CSTF3: variants seen among roughly 807,000 people sequenced by gnomAD.
CSTF3 encodes cleavage stimulation factor subunit 3.
CSTF3 carries 29 observed loss-of-function variants against 105.8 expected under a neutral mutation model. That is an observed-to-expected ratio of 0.27 (90% CI 0.20 to 0.37). The LOEUF (loss-of-function observed/expected upper bound fraction) is 0.37, where lower values mean the gene tolerates loss of function less well. Ranked by LOEUF, CSTF3 falls within the 10% of genes least tolerant of loss-of-function variation. CSTF3 has a pLI of 1.00. For synonymous variants in CSTF3, 252 were observed against 281.9 expected (o/e 0.89, Z 1.06); for missense variants, 357 against 879.3 (o/e 0.41, Z 7.51).
In CSTF3 at chr11:33,099,571, A is replaced by G; in HGVS notation, c.936+37T>C. ...TAAATAATTGCTATATCAAAACCAC[A>G]AAAATATCAAAGTGGGGATAGGGAA... On this transcript the variant is annotated intron_variant, in intron 11 of 20. Transcript: ENST00000323959. The surrounding 1 kb of genome is among the most constrained non-coding windows in gnomAD (Gnocchi z 4.1). 1 of 1,380,644 alleles carries G rather than the reference A, an allele frequency of 7.2e-7. No homozygotes were observed. Among genetic ancestry groups the G allele is most frequent in the Non-Finnish European group, 1.0e-6 (1 of 988,308 alleles). The allele number at this position is 1,380,644 out of a possible 1,614,324, so 85.5% of individuals were successfully genotyped here. A position where few individuals can be genotyped will look rare whatever the true frequency, so the allele number is the denominator to read the frequency against.
chr11:33,161,413 A>C lies in CSTF3; in HGVS notation c.-88T>G. Reference sequence around the variant, plus strand: ...ACTAAAAACCACCCCCAAATCAGTAAAGTTACCCCCTGCCCAGCTGAGCCA... The same window carrying C: ...ACTAAAAACCACCCCCAAATCAGTACAGTTACCCCCTGCCCAGCTGAGCCA... On this transcript the variant is annotated 5_prime_UTR_variant, in exon 1 of 21. Transcript: ENST00000323959. The C allele has an allele frequency of 6.9e-7, 1 of 1,445,862 alleles. No individual in the cohort carries two copies. The highest frequency in any genetic ancestry group is 9.6e-7 in the Non-Finnish European group (1 of 1,040,058). 89.6% of individuals were successfully genotyped at this position (1,445,862 alleles called of 1,614,324 possible).
chr11:33,160,063 T>C (rs1239981338), intron 1 of CSTF3, among the ~76,000 whole-genome samples: 1 of 151,924 alleles, frequency 6.6e-6, no homozygotes, highest in Non-Finnish European at 1.5e-5. Flanking sequence ...AAACTTTCAA[T>C]GAAACCTCAG....
chr11:33,088,020 C>T (rs1340977108), intron 17 of CSTF3, among the ~76,000 whole-genome samples: 1 of 152,102 alleles, frequency 6.6e-6, no homozygotes, highest in Non-Finnish European at 1.5e-5. Flanking sequence ...TTGCCGCCAT[C>T]AAGGGATATA....
In CSTF3 at chr11:33,084,977, A is replaced by G. The variant is rs1855088018; in HGVS notation, c.*110T>C. The G allele has an allele frequency of 8.4e-7, 1 of 1,197,424 alleles. No individual in the cohort carries two copies. The highest frequency in any genetic ancestry group is 1.5e-5 in the African/African-American group (1 of 67,170). The allele number at this position is 1,197,424 out of a possible 1,614,324, so 74.2% of individuals were successfully genotyped here. On this transcript the variant is annotated 3_prime_UTR_variant, in exon 21 of 21. Coordinates refer to ENST00000323959, the MANE Select transcript of CSTF3 (RefSeq NM_001326.3). ...CCATGTGATAGAGGCACCAATGACAATACAACTTTGTTTCCAAGAACCTTG... is the reference window on the plus strand; with the variant it reads ...CCATGTGATAGAGGCACCAATGACAGTACAACTTTGTTTCCAAGAACCTTG...
At chr11:33,091,046 G>A (rs1396278078) in intron 16 of CSTF3, among the ~76,000 whole-genome samples, 1 of 151,994 alleles carries the variant, frequency 6.6e-6, no homozygotes, top group Non-Finnish European at 1.5e-5. Flanking sequence ...CTGCTTCTTT[G>A]TGGTCAACAT....
chr11:33,116,608 G>A (rs1401726943), intron 3 of CSTF3, among the ~76,000 whole-genome samples: 1 of 152,132 alleles, frequency 6.6e-6, no homozygotes, highest in Non-Finnish European at 1.5e-5. Flanking sequence ...TATGGTGAAG[G>A]TCCATTACAG....
intron 15 of CSTF3, among the ~76,000 whole-genome samples, chr11:33,095,153 G>T (rs1855206959): frequency 6.6e-6 from 1 of 152,198 alleles, no homozygotes; most frequent in Non-Finnish European, 1.5e-5. Flanking sequence ...GCCTGCCTCG[G>T]CTTCCCAAAG....
chr11:33,142,870 T>C (rs1057169293), intron 1 of CSTF3, among the ~76,000 whole-genome samples: 2 of 152,232 alleles, frequency 1.3e-5, no homozygotes, highest in African/African-American at 4.8e-5. Flanking sequence ...TCTGCTGCCC[T>C]ATCAGATCAT....
chr11:33,116,846 GGT>G (rs1377372687), intron 3 of CSTF3, among the ~76,000 whole-genome samples: 6 of 151,922 alleles, frequency 3.9e-5, no homozygotes, highest in African/African-American at 1.5e-4. Context: ...CCTTAAGTGG[GGT>G]AATACTGGCT....
At chr11:33,111,210 A>G (rs2133780741) in intron 3 of CSTF3, among the ~76,000 whole-genome samples, 1 of 152,362 alleles carries the variant, frequency 6.6e-6, no homozygotes, top group Middle Eastern at 3.4e-3. Flanking sequence ...AGCCCAGGCA[A>G]GAGACTCCAT....
intron 3 of CSTF3, among the ~76,000 whole-genome samples, chr11:33,109,423 T>C (rs1036876728): frequency 2.6e-5 from 4 of 152,206 alleles, no homozygotes; most frequent in Non-Finnish European, 5.9e-5. Context: ...TGATAACTTG[T>C]TCTCTTCTGG....
chr11:33,087,076 A>G lies in CSTF3; in HGVS notation c.1707T>C (p.Pro569=). 6.2e-7 allele frequency: 1 copy of G among 1,614,186 alleles called. No homozygotes were observed. The highest frequency in any genetic ancestry group is 1.1e-5 in the South Asian group (1 of 91,086). Residue 569 remains proline (P), a synonymous_variant, in exon 18 of 21, where the codon CCT becomes CCC. Coordinates refer to ENST00000323959, the MANE Select transcript of CSTF3 (RefSeq NM_001326.3). ...PDPVVAPSIV[P]VLKDEVDRKP... ...TTCTATCCACTTCATCTTTCAGAAC[A>G]GGCACTATAGAAGGAGCTACAACTG... is the stretch of plus-strand genomic sequence containing the variant.
Position 33,154,486 on chromosome 11 carries a change from A to ACTTT in CSTF3, c.27+6809_27+6812dup, listed in dbSNP as rs142422500. ...GTAGACCGGAGTAGCACTCCGTAAG[A>ACTTT]CTTTCTTTTTTTTTTTTTTTTTTTT... On this transcript the variant is annotated intron_variant, in intron 1 of 20. Coordinates refer to ENST00000323959, the MANE Select transcript of CSTF3 (RefSeq NM_001326.3). 4.2e-4 allele frequency among the ~76,000 whole-genome samples: 46 copies of ACTTT among 110,808 alleles called. 1 individual carries two copies. The highest frequency in any genetic ancestry group is 1.2e-3 in the African/African-American group (33 of 27,886). 72.7% of individuals were successfully genotyped at this position (110,808 alleles called of 152,430 possible). A position where few individuals can be genotyped will look rare whatever the true frequency, so the allele number is the denominator to read the frequency against.
At chr11:33,152,935 G>A (rs1849806415) in intron 1 of CSTF3, among the ~76,000 whole-genome samples, 1 of 151,602 alleles carries the variant, frequency 6.6e-6, no homozygotes, top group Non-Finnish European at 1.5e-5. Context: ...TCCAGCCTGA[G>A]CAAGAGTGAG....
At chr11:33,110,772 G>A (rs551242435) in intron 3 of CSTF3, among the ~76,000 whole-genome samples, 1 of 152,092 alleles carries the variant, frequency 6.6e-6, no homozygotes, top group Admixed American at 6.5e-5. Context: ...AACTTACAAA[G>A]GTATTAACAC....
At chr11:33,160,503 T>G (rs939429165) in intron 1 of CSTF3, among the ~76,000 whole-genome samples, 1 of 152,196 alleles carries the variant, frequency 6.6e-6, no homozygotes, top group African/African-American at 2.4e-5. Context: ...AAAAACACAT[T>G]TAATGGCATT....
chr11:33,125,752 TG>T lies in CSTF3; in HGVS notation c.225+15914del, dbSNP rs769408221. ...GCCTTGGGTTTTGACTTTTGCTGCC[TG>T]AGGTCCTGAAGCGTTTAAAATTGAA... On this transcript the variant is annotated intron_variant, in intron 3 of 20. Transcript: ENST00000323959. 1.2e-4 allele frequency among the ~76,000 whole-genome samples: 19 copies of T among 152,314 alleles called. No individual in the cohort carries two copies. The East Asian group carries it at 1.9e-3, about 15-fold the overall frequency.
At chr11:33,145,381 G>A (rs1026241822) in intron 1 of CSTF3, among the ~76,000 whole-genome samples, 1 of 151,968 alleles carries the variant, frequency 6.6e-6, no homozygotes. Flanking sequence ...AGCCATGATC[G>A]CACCACTGCA....
chr11:33,091,923 C>T (rs1376241605), intron 16 of CSTF3, among the ~76,000 whole-genome samples: 2 of 152,118 alleles, frequency 1.3e-5, no homozygotes, highest in Non-Finnish European at 2.9e-5. Context: ...CTATGTTGCC[C>T]AGGCTGGTCT....
Sources: gnomAD v4.1 joint callset for allele counts (sites outside exome capture counted in the v4.1 genomes callset) on GRCh38, gnomAD v4.1.1 for gene constraint, Gnocchi (gnomAD v3.1) non-coding constraint, MANE v1.5 for transcripts, NCBI Gene and HGNC (gene_info 2026-07-23, HGNC 2026-07-21) for gene names.